Variants in SIRT3 observed in about 807,000 individuals in gnomAD.
The protein encoded by SIRT3 is NAD-dependent protein deacetylase sirtuin-3, mitochondrial.
In SIRT3, 26 loss-of-function variants were observed where a neutral mutation model predicts 33.5. That is an observed-to-expected ratio of 0.78 (90% confidence interval 0.57 to 1.08). The LOEUF is 1.08. Among genes scored for constraint, SIRT3 ranks in the 50% least tolerant of loss-of-function variants. The pLI, the probability that SIRT3 is intolerant of heterozygous loss-of-function variation, is 0.00. For synonymous variants in SIRT3, 237 were observed against 222.1 expected, an observed-to-expected ratio of 1.07 and a Z score of -0.60; for missense variants, 585 against 530.1, an observed-to-expected ratio of 1.10 and a Z score of -1.02.
intron 5 of SIRT3, 53 bp from the exon 6 acceptor site, chr11:219,094 A>G: frequency 6.5e-7 from 1 of 1,536,946 alleles, no homozygotes; most frequent in Non-Finnish European, 8.8e-7. Flanking sequence ...CAAGCTCCTC[A>G]GGATGTTTCA....
At chr11:218,720 C>T in intron 6 of SIRT3, 112 bp downstream of exon 6, 5 of 1,545,662 alleles carry the variant, frequency 3.2e-6, no homozygotes, top group South Asian at 1.2e-5. Flanking sequence ...TTCACAGCAT[C>T]ATCAGCTATT....
intron 3 of SIRT3, 91 bp downstream of exon 3, chr11:232,892 T>TGAGAAACAGGCACCCGAGCCTCCCTGG: frequency 8.0e-7 from 1 of 1,242,370 alleles, no homozygotes; most frequent in Non-Finnish European, 1.2e-6. Context: ...GCATCCCCTG[T>TGAGAAACAGGCACCCGAGCCTCCCTGG]GAGAAACAGG....
In SIRT3 at chr11:218,817, C is replaced by T. The variant is rs778913038; in HGVS notation, c.1179+15G>A. On this transcript the variant is annotated intron_variant, in intron 6 of 6. Coordinates refer to ENST00000382743, the MANE Select transcript of SIRT3 (RefSeq NM_012239.6). ...AAGGGCAGCCCCTTGGATGGTCCTCCTCAGCAGTCTGTACCTTCCCAGTTT... is the reference window on the plus strand; with the variant it reads ...AAGGGCAGCCCCTTGGATGGTCCTCTTCAGCAGTCTGTACCTTCCCAGTTT... The T allele has an allele frequency of 1.9e-5, 30 of 1,614,060 alleles. No homozygotes were observed. Among genetic ancestry groups the T allele is most frequent in the Middle Eastern group, 1.6e-4 (1 of 6,084 alleles).
At chr11:230,608 G>T in intron 3 of SIRT3, 56 bp from the exon 4 acceptor site, 1 of 1,267,220 alleles carries the variant, frequency 7.9e-7, no homozygotes, top group Non-Finnish European at 1.1e-6. Context: ...AGCACGCAAG[G>T]CCAAGAGCAC....
rs12223279 is a variant in SIRT3 at position 224,204 on chromosome 11, C to T, written c.843G>A (p.Pro281=). ...DVMADRVPRC[P]VCTGVVKPDI... is the part of the protein sequence containing the mutation. ...CGGGCTTCACAACGCCGGTGCAGAC[C>T]GGGCAGCGGGGAACCCTGTCTGCCA... is the stretch of plus-strand genomic sequence containing the variant. The change falls in exon 5 of 7, where the codon CCG becomes CCA. Residue 281 remains proline (P), a synonymous_variant. Transcript: ENST00000382743. 4.3e-4 allele frequency: 689 copies of T among 1,614,110 alleles called. 6 individuals are homozygous for T. The East Asian group carries it at 0.011, about 26-fold the overall frequency.
At chr11:236,806 T>G (rs1026352119), upstream of SIRT3, 1 of 564,812 alleles carries the variant, frequency 1.8e-6, no homozygotes, top group Non-Finnish European at 3.2e-6. Flanking sequence ...GCGCCCACAC[T>G]CTTTGACGCC....
chr11:218,824 G>A lies in SIRT3; in HGVS notation c.1179+8C>T. 6.2e-7 allele frequency: 1 copy of A among 1,614,174 alleles called. No homozygotes were observed. The highest frequency in any genetic ancestry group is 8.5e-7 in the Non-Finnish European group (1 of 1,180,028). ...GCCCCTTGGATGGTCCTCCTCAGCA[G>A]TCTGTACCTTCCCAGTTTCCCGCTG... On this transcript the variant is annotated splice_region_variant and intron_variant, in intron 6 of 6. Transcript: ENST00000382743.
rs543267314 is a variant in SIRT3, at chr11:221,098, C to T, written c.970-2057G>A. Among the ~76,000 whole-genome samples the T allele has an allele frequency of 2.6e-5, 4 of 152,292 alleles. No individual in the cohort carries two copies. In the East Asian group the frequency reaches 7.7e-4, roughly 29 times the overall value. ...AGCATTTACCCTTCAGGAGTACTTGCATGAGTAGATAAGGATGATACACAG... is the reference window on the plus strand; with the variant it reads ...AGCATTTACCCTTCAGGAGTACTTGTATGAGTAGATAAGGATGATACACAG... On this transcript the variant is annotated intron_variant, in intron 5 of 6. Coordinates refer to ENST00000382743, the MANE Select transcript of SIRT3 (RefSeq NM_012239.6).
intron 4 of SIRT3, among the ~76,000 whole-genome samples, chr11:224,927 A>T (rs140605147): frequency 2.0e-5 from 3 of 150,508 alleles, no homozygotes; most frequent in African/African-American, 7.5e-5. Context: ...GCTTGTTTTA[A>T]GCAGGCTCAG....
At position 224,229 on chromosome 11, in the gene SIRT3, A is replaced by G. The variant is rs1331541089; in HGVS notation, c.818T>C (p.Met273Thr). ...CGGGCAGCGGGGAACCCTGTCTGCC[A>G]TCACGTCAGCCTGGAAAACAGAGAA... ...FPGEDIRADVMADRVPRCPVC... is the reference protein window; with the variant it reads ...FPGEDIRADVTADRVPRCPVC... The change falls in exon 5 of 7, where the codon ATG (methionine) becomes ACG (threonine). Residue 273 changes from methionine to threonine, a missense_variant. Physicochemically the swap from Met to Thr is moderately conservative, Grantham distance 81. Transcript: ENST00000382743. 1 of 1,614,090 alleles carries G rather than the reference A, an allele frequency of 6.2e-7. No homozygotes were observed. The highest frequency in any genetic ancestry group is 1.1e-5 in the South Asian group (1 of 91,078).
intron 4 of SIRT3, among the ~76,000 whole-genome samples, chr11:224,626 C>T (rs1401504760): frequency 2.0e-5 from 3 of 152,190 alleles, no homozygotes; most frequent in African/African-American, 7.2e-5. Context: ...ATTTGGCCTA[C>T]ACCGAACACT....
chr11:229,234 C>T (rs1045636278), intron 4 of SIRT3, among the ~76,000 whole-genome samples: 3 of 152,098 alleles, frequency 2.0e-5, no homozygotes, highest in South Asian at 2.1e-4. Flanking sequence ...AGGCGGATCA[C>T]GAGGTCAAGA....
At chr11:230,739 G>A (rs1036784107) in intron 3 of SIRT3, 187 bp from the exon 4 acceptor site, 9 of 398,330 alleles carry the variant, frequency 2.3e-5, no homozygotes, top group Middle Eastern at 6.3e-4. Context: ...TAAGGCAGGG[G>A]AGCAAAGGGG....
At position 216,432 on chromosome 11, in the gene SIRT3, C is replaced by G. The variant is rs1855652075; in HGVS notation, c.*266G>C. The G allele has an allele frequency of 2.1e-6, 1 of 474,730 alleles. No individual in the cohort carries two copies. The highest frequency in any genetic ancestry group is 3.8e-6 in the Non-Finnish European group (1 of 266,446). The allele number at this position is 474,730 out of a possible 1,614,324, so 29.4% of individuals were successfully genotyped here. Reference sequence around the variant, plus strand: ...AGAAGAAAGCTTTTTCCATTAGGAGCTTCAGCAGAGTGAAGAGTTCAACAC... The same window carrying G: ...AGAAGAAAGCTTTTTCCATTAGGAGGTTCAGCAGAGTGAAGAGTTCAACAC... On this transcript the variant is annotated 3_prime_UTR_variant, in exon 7 of 7. Coordinates refer to ENST00000382743, the MANE Select transcript of SIRT3 (RefSeq NM_012239.6).
At chr11:236,375 G>GCCCCGCCCGCGGCA, upstream of SIRT3, 1 of 1,158,868 alleles carries the variant, frequency 8.6e-7, no homozygotes, top group Non-Finnish European at 1.1e-6. Context: ...CGCCCCCGGC[G>GCCCCGCCCGCGGCA]CCCCGGCCCC....
At position 236,339 on chromosome 11, in the gene SIRT3, G is replaced by C; in HGVS notation, c.-11C>G. 7.4e-7 allele frequency: 1 copy of C among 1,357,208 alleles called. No individual in the cohort carries two copies. The allele number at this position is 1,357,208 out of a possible 1,614,324, so 84.1% of individuals were successfully genotyped here. On this transcript the variant is annotated 5_prime_UTR_variant, in exon 1 of 7. Coordinates refer to ENST00000382743, the MANE Select transcript of SIRT3 (RefSeq NM_012239.6). ...ACCCCAGAACGCCATGTTCCGCGCA[G>C]TCCAAGGAGTCCTCCGGACTCGCCC...
chr11:217,700 A>T lies in SIRT3; in HGVS notation c.1180-982T>A, dbSNP rs2133785304. ...GGAGAGTGCTGACCCCATGGCCCTG[A>T]GCCATGAGGCAGCCACAGCTGTGGA... On this transcript the variant is annotated intron_variant, in intron 6 of 6. Transcript: ENST00000382743. Among the ~76,000 whole-genome samples the T allele has an allele frequency of 2.0e-5, 3 of 152,380 alleles. No homozygotes were observed. In the East Asian group the frequency reaches 5.8e-4, roughly 29 times the overall value.
intron 6 of SIRT3, among the ~76,000 whole-genome samples, chr11:217,051 T>C (rs1564803995): frequency 6.6e-6 from 1 of 152,226 alleles, no homozygotes. Flanking sequence ...TCATAACCCA[T>C]TTTACATACA....
Position 215,092 on chromosome 11 carries a change from AAAG to A in SIRT3, c.*1603_*1605del, listed in dbSNP as rs1277198494. On this transcript the variant is annotated 3_prime_UTR_variant, in exon 7 of 7. Coordinates refer to ENST00000382743, the MANE Select transcript of SIRT3 (RefSeq NM_012239.6). ...AGCCACAGAAACATCATCTTGAAAT[AAAG>A]AAGAGTTTTGGACAAAAATGTATGT... The A allele has an allele frequency of 4.5e-5, 7 of 154,524 alleles. No individual in the cohort carries two copies. The highest frequency in any genetic ancestry group is 4.4e-4 in the Admixed American group (7 of 15,844). 9.6% of individuals were successfully genotyped at this position (154,524 alleles called of 1,614,324 possible).
Sources: allele counts gnomAD v4.1 joint callset (sites outside exome capture counted in the v4.1 genomes callset), GRCh38; gene constraint gnomAD v4.1.1; transcripts MANE v1.5; gene names NCBI Gene and HGNC (gene_info 2026-07-23, HGNC 2026-07-21).